The following HTR1F variants were observed in gnomAD, a reference collection of about 807,000 sequenced individuals.
HTR1F encodes 5-hydroxytryptamine (serotonin) receptor 1F, G protein-coupled.
In HTR1F, 17 loss-of-function variants were observed where a neutral mutation model predicts 24.0. The ratio of observed to expected loss-of-function variants is 0.71; its 90% CI spans 0.48 to 1.06. The LOEUF (loss-of-function observed/expected upper bound fraction) is 1.06, where lower values mean the gene tolerates loss of function less well. HTR1F is among the 50% of genes least tolerant of loss of function. The pLI is 0.00. For missense variants in HTR1F, 391 were observed against 427.8 expected, an observed-to-expected ratio of 0.91 and a Z score of 0.76; for synonymous variants, 186 against 156.8, an observed-to-expected ratio of 1.19 and a Z score of -1.39.
intron 2 of HTR1F, among the ~76,000 whole-genome samples, chr3:87,887,793 C>T (rs540805556): frequency 1.1e-4 from 17 of 152,006 alleles, no homozygotes; most frequent in Admixed American, 8.5e-4. Flanking sequence ...CCAGTTAGAA[C>T]GGCGATCATT....
chr3:87,944,274 C>T (rs1479492185), intron 2 of HTR1F, among the ~76,000 whole-genome samples: 1 of 152,172 alleles, frequency 6.6e-6, no homozygotes, highest in African/African-American at 2.4e-5. Context: ...CCATAAGCAA[C>T]AGTTCTTATG....
chr3:87,811,263 T>G (rs187330336), intron 1 of HTR1F, among the ~76,000 whole-genome samples: 6 of 143,686 alleles, frequency 4.2e-5, no homozygotes, highest in African/African-American at 8.1e-5. Context: ...GGTCATTCAG[T>G]GGAATTCTAT....
intron 2 of HTR1F, among the ~76,000 whole-genome samples, chr3:87,894,812 A>G (rs1706164545): frequency 6.6e-6 from 1 of 152,094 alleles, no homozygotes; most frequent in Non-Finnish European, 1.5e-5. Context: ...AAGAGAGTTA[A>G]TATGCTGAGA....
At chr3:87,845,620 G>T (rs1295227208) in intron 2 of HTR1F, among the ~76,000 whole-genome samples, 4 of 151,130 alleles carry the variant, frequency 2.6e-5, no homozygotes, top group Non-Finnish European at 5.9e-5. Context: ...CATGCTCATG[G>T]GTAGGAAGAA....
intron 2 of HTR1F, among the ~76,000 whole-genome samples, chr3:87,847,533 C>T (rs1164918006): frequency 6.6e-6 from 1 of 151,768 alleles, no homozygotes; most frequent in Non-Finnish European, 1.5e-5. Flanking sequence ...TTTTTTTACA[C>T]TGATATCATT....
chr3:87,938,284 G>A lies in HTR1F; in HGVS notation c.-42-52424G>A, dbSNP rs576141163. On this transcript the variant is annotated intron_variant, in intron 2 of 2. Coordinates refer to ENST00000319595, the MANE Select transcript of HTR1F (RefSeq NM_001322209.2). Reference sequence around the variant, plus strand: ...AACTACAAAACTGCTCAAAGAAATCGGAGATGATACAAACAAATGGAAAAA... The same window carrying A: ...AACTACAAAACTGCTCAAAGAAATCAGAGATGATACAAACAAATGGAAAAA... 5.4e-4 allele frequency among the ~76,000 whole-genome samples: 82 copies of A among 152,184 alleles called. 1 individual carries two copies. Among genetic ancestry groups the A allele is most frequent in the African/African-American group, 1.7e-3 (72 of 41,542 alleles).
intron 2 of HTR1F, among the ~76,000 whole-genome samples, chr3:87,858,482 G>A (rs1384635673): frequency 6.6e-6 from 1 of 151,956 alleles, no homozygotes; most frequent in African/African-American, 2.4e-5. Flanking sequence ...TCCTATCCAT[G>A]GTTTACTTTT....
intron 2 of HTR1F, among the ~76,000 whole-genome samples, chr3:87,836,777 G>A (rs971298318): frequency 6.6e-6 from 1 of 152,114 alleles, no homozygotes; most frequent in African/African-American, 2.4e-5. Flanking sequence ...GGGTCAGAGA[G>A]TTTGGGTGAA....
At chr3:87,945,752 C>T (rs72915630) in intron 2 of HTR1F, among the ~76,000 whole-genome samples, 6,130 of 152,110 alleles carry the variant, frequency 0.04, 373 homozygotes, top group African/African-American at 0.14. Flanking sequence ...GAAGGGTGCC[C>T]GATATTTTCC....
Position 87,919,510 on chromosome 3 carries a change from C to G in HTR1F, c.-42-71198C>G, listed in dbSNP as rs186696645. On this transcript the variant is annotated intron_variant, in intron 2 of 2. Coordinates refer to ENST00000319595, the MANE Select transcript of HTR1F (RefSeq NM_001322209.2). ...GCTAACATCCAGAATCTACAACGAA[C>G]TCAAACAAATCAGCAAGAAAAAAAA... Among the ~76,000 whole-genome samples, 47 of 152,018 alleles carry G rather than the reference C, an allele frequency of 3.1e-4. No individual in the cohort carries two copies. The East Asian group carries it at 8.3e-3, about 27-fold the overall frequency.
chr3:87,892,632 C>T (rs1316649501), intron 2 of HTR1F, among the ~76,000 whole-genome samples: 1 of 151,992 alleles, frequency 6.6e-6, no homozygotes. Flanking sequence ...TAGGTGTTCC[C>T]GAAATGTTAA....
intron 2 of HTR1F, among the ~76,000 whole-genome samples, chr3:87,865,846 T>C (rs1705415717): frequency 1.3e-5 from 2 of 152,196 alleles, no homozygotes; most frequent in Non-Finnish European, 2.9e-5. Flanking sequence ...TTATATAAAT[T>C]CATGTTGCAT....
chr3:87,843,468 C>T (rs1422438552), intron 2 of HTR1F, among the ~76,000 whole-genome samples: 1 of 150,546 alleles, frequency 6.6e-6, no homozygotes, highest in African/African-American at 2.5e-5. Flanking sequence ...ATAGATACCA[C>T]ATAAACCTAC....
In HTR1F at chr3:87,931,026, C is replaced by CTT. The variant is rs34617109; in HGVS notation, c.-42-59663_-42-59662dup. Among the ~76,000 whole-genome samples, 391 of 131,792 alleles carry CTT rather than the reference C, an allele frequency of 3.0e-3. 4 individuals carry two copies. The highest frequency in any genetic ancestry group is 0.016 in the East Asian group (71 of 4,310). 86.5% of individuals were successfully genotyped at this position (131,792 alleles called of 152,430 possible). ...ACAGCATACTGTGCCATAGTCTTTCCTTTTTTTTTTTTTTTTTTTTACTTT... is the reference window on the plus strand; with the variant it reads ...ACAGCATACTGTGCCATAGTCTTTCCTTTTTTTTTTTTTTTTTTTTTTACTTT... On this transcript the variant is annotated intron_variant, in intron 2 of 2. Coordinates refer to ENST00000319595, the MANE Select transcript of HTR1F (RefSeq NM_001322209.2).
Position 87,942,293 on chromosome 3 carries a change from G to C in HTR1F, c.-42-48415G>C, listed in dbSNP as rs997678486. Among the ~76,000 whole-genome samples, 6 of 152,132 alleles carry C rather than the reference G, an allele frequency of 3.9e-5. 1 individual carries two copies. The highest frequency in any genetic ancestry group is 3.9e-4 in the Admixed American group (6 of 15,276). The stretch of plus-strand genomic sequence containing the variant: ...TGGCTGGGGGAAGTATCTAGTGACT[G>C]GCTGTCCTAGGACCCCTCAGATAGT... On this transcript the variant is annotated intron_variant, in intron 2 of 2. Coordinates refer to ENST00000319595, the MANE Select transcript of HTR1F (RefSeq NM_001322209.2).
At chr3:87,941,551 C>A (rs1293327997) in intron 2 of HTR1F, among the ~76,000 whole-genome samples, 1 of 152,266 alleles carries the variant, frequency 6.6e-6, no homozygotes, top group South Asian at 2.1e-4. Flanking sequence ...TACTGAAGGA[C>A]AAGAGAGTCC....
At chr3:87,815,374 C>T (rs1444101701) in intron 1 of HTR1F, among the ~76,000 whole-genome samples, 1 of 151,832 alleles carries the variant, frequency 6.6e-6, no homozygotes, top group Non-Finnish European at 1.5e-5. Flanking sequence ...ATTCCAAATG[C>T]AAAGTAAGCT....
At chr3:87,873,095 T>TACACAC (rs61407734) in intron 2 of HTR1F, among the ~76,000 whole-genome samples, 73 of 135,130 alleles carry the variant, frequency 5.4e-4, no homozygotes, top group South Asian at 2.0e-3. Context: ...CATGCATACA[T>TACACAC]ACACACACAC....
intron 2 of HTR1F, among the ~76,000 whole-genome samples, chr3:87,832,371 A>G (rs1354970601): frequency 5.3e-5 from 7 of 130,866 alleles, no homozygotes; most frequent in Non-Finnish European, 1.1e-4. Flanking sequence ...TCTGTCGCCC[A>G]GGCTGGAGTG....
Sources: allele counts gnomAD v4.1 joint callset (sites outside exome capture counted in the v4.1 genomes callset), GRCh38; gene constraint gnomAD v4.1.1; transcripts MANE v1.5; gene names NCBI Gene and HGNC (gene_info 2026-07-23, HGNC 2026-07-21).